The following TRIO variants were observed in gnomAD, a reference collection of about 807,000 sequenced individuals.
TRIO encodes the protein trio Rho guanine nucleotide exchange factor, also known as triple functional domain protein.
A neutral mutation model predicts 351.9 loss-of-function variants in TRIO; 58 were observed. The observed-to-expected ratio is 0.16, with a 90% confidence interval of 0.13 to 0.21. TRIO has a LOEUF of 0.21. Ranked by LOEUF, TRIO falls within the 10% of genes least tolerant of loss-of-function variation. The pLI is 1.00. For synonymous variants in TRIO, 1,758 were observed against 1,595.7 expected, an observed-to-expected ratio of 1.10 and a Z score of -2.42; for missense variants, 3,201 against 4,027.8, an observed-to-expected ratio of 0.79 and a Z score of 5.56.
intron 1 of TRIO, among the ~76,000 whole-genome samples, chr5:14,158,121 T>C (rs1788225445): frequency 6.6e-6 from 1 of 152,084 alleles, no homozygotes; most frequent in South Asian, 2.1e-4. Context: ...GAGAAGGGCT[T>C]TTGATATTAG....
At chr5:14,346,278 C>G (rs1393900253) in intron 11 of TRIO, among the ~76,000 whole-genome samples, 1 of 152,240 alleles carries the variant, frequency 6.6e-6, no homozygotes, top group Non-Finnish European at 1.5e-5. Flanking sequence ...ACCCCATCAT[C>G]TCTCACTTTG....
chr5:14,364,527 C>A, intron 14 of TRIO, 123 bp from the exon 15 acceptor site: 2 of 1,225,032 alleles, frequency 1.6e-6, no homozygotes, highest in Non-Finnish European at 2.3e-6. Context: ...TGCCCTTCAG[C>A]ATAATGGCTT....
chr5:14,365,105 G>C (rs1744483238), intron 15 of TRIO, among the ~76,000 whole-genome samples: 1 of 152,190 alleles, frequency 6.6e-6, no homozygotes, highest in African/African-American at 2.4e-5. Flanking sequence ...TTGATAGTCT[G>C]TCTCTTGCTT....
intron 34 of TRIO, among the ~76,000 whole-genome samples, chr5:14,437,683 A>AGC (rs1751693271): frequency 9.2e-6 from 1 of 108,300 alleles, no homozygotes; most frequent in Non-Finnish European, 1.8e-5. Context: ...TTGGATGAGG[A>AGC]CCACCCCCCC....
At chr5:14,328,412 A>G (rs994312635) in intron 9 of TRIO, among the ~76,000 whole-genome samples, 5 of 152,258 alleles carry the variant, frequency 3.3e-5, no homozygotes, top group African/African-American at 1.2e-4. Flanking sequence ...CAATGCGCCC[A>G]ATATGCTATT....
Position 14,487,210 on chromosome 5 carries a change from C to T in TRIO, c.6836-254C>T, listed in dbSNP as rs3804212. 7.9e-5 allele frequency among the ~76,000 whole-genome samples: 12 copies of T among 152,288 alleles called. No homozygotes were observed. The East Asian group carries it at 2.3e-3, about 30-fold the overall frequency. On this transcript the variant is annotated intron_variant, in intron 47 of 56. Transcript: ENST00000344204. Reference sequence around the variant, plus strand: ...TTCTAGTCAAATCTGTTGCCTTGGTCTTCCTGTGGACACTGGCCCTTAGTC... The same window carrying T: ...TTCTAGTCAAATCTGTTGCCTTGGTTTTCCTGTGGACACTGGCCCTTAGTC...
At chr5:14,362,497 T>C (rs1361525102) in intron 13 of TRIO, among the ~76,000 whole-genome samples, 1 of 152,186 alleles carries the variant, frequency 6.6e-6, no homozygotes, top group Non-Finnish European at 1.5e-5. Context: ...GTCCTCCTCC[T>C]CTTCTTTTCA....
At chr5:14,259,384 TAGG>T (rs981739404) in intron 1 of TRIO, among the ~76,000 whole-genome samples, 5 of 152,274 alleles carry the variant, frequency 3.3e-5, no homozygotes, top group African/African-American at 9.6e-5. Flanking sequence ...GGGAAAGGGG[TAGG>T]AGGAGAAGAA....
At chr5:14,418,504 T>C (rs1749835136) in intron 33 of TRIO, among the ~76,000 whole-genome samples, 1 of 151,998 alleles carries the variant, frequency 6.6e-6, no homozygotes, top group African/African-American at 2.4e-5. Context: ...AGTGGGGTTT[T>C]TTAGCTTGAG....
intron 29 of TRIO, among the ~76,000 whole-genome samples, chr5:14,397,904 A>G (rs545098748): frequency 6.6e-6 from 1 of 152,156 alleles, no homozygotes; most frequent in Non-Finnish European, 1.5e-5. Flanking sequence ...GCTGTGTTCC[A>G]GCTAGTTTCT....
At chr5:14,479,865 A>T (rs1561538242) in intron 42 of TRIO, 54 bp from the exon 43 acceptor site, 2 of 1,540,656 alleles carry the variant, frequency 1.3e-6, no homozygotes, top group Non-Finnish European at 1.8e-6. Context: ...AAGACTAAAA[A>T]ATTGCCCTTT....
At chr5:14,279,455 G>A (rs1001597520) in intron 2 of TRIO, among the ~76,000 whole-genome samples, 2 of 152,174 alleles carry the variant, frequency 1.3e-5, no homozygotes, top group African/African-American at 4.8e-5. Context: ...GAATTTTGAG[G>A]TCTCCCGAAG....
chr5:14,336,221 C>T (rs780806206), intron 10 of TRIO, among the ~76,000 whole-genome samples: 1 of 152,174 alleles, frequency 6.6e-6, no homozygotes, highest in Non-Finnish European at 1.5e-5. Flanking sequence ...GGGCCGTCTC[C>T]TGACTCCACC....
intron 34 of TRIO, 157 bp downstream of exon 34, chr5:14,420,178 C>A: frequency 9.0e-7 from 1 of 1,112,224 alleles, no homozygotes. Flanking sequence ...TCCAGTCCAT[C>A]AGCACCTGAA....
chr5:14,422,641 A>G (rs1466827289), intron 34 of TRIO, among the ~76,000 whole-genome samples: 1 of 152,238 alleles, frequency 6.6e-6, no homozygotes, highest in Non-Finnish European at 1.5e-5. Flanking sequence ...TCTGTCGGAC[A>G]CTGAGAATCC....
At chr5:14,406,052 G>T in intron 32 of TRIO, 62 bp downstream of exon 32, 1 of 1,561,684 alleles carries the variant, frequency 6.4e-7, no homozygotes, top group Non-Finnish European at 8.7e-7. Context: ...GGCGGTGTTA[G>T]CTCACCCTGC....
At chr5:14,278,476 GA>G (rs1735729006) in intron 2 of TRIO, among the ~76,000 whole-genome samples, 1 of 152,118 alleles carries the variant, frequency 6.6e-6, no homozygotes, top group African/African-American at 2.4e-5. Context: ...CTGTGGTCGA[GA>G]AAAAATGTTA....
At chr5:14,157,593 TTC>T (rs1266605371) in intron 1 of TRIO, among the ~76,000 whole-genome samples, 1 of 150,024 alleles carries the variant, frequency 6.7e-6, no homozygotes, top group Non-Finnish European at 1.5e-5. Context: ...GTCTCTCTCT[TTC>T]TCTCTTTCTT....
intron 30 of TRIO, among the ~76,000 whole-genome samples, chr5:14,399,923 C>A (rs1302584278): frequency 6.6e-6 from 1 of 152,182 alleles, no homozygotes; most frequent in Non-Finnish European, 1.5e-5. Flanking sequence ...TTCTTTACAG[C>A]AGATCTCTTA....
Sources: gnomAD v4.1 joint callset for allele counts (sites outside exome capture counted in the v4.1 genomes callset) on GRCh38, gnomAD v4.1.1 for gene constraint, MANE v1.5 for transcripts, NCBI Gene and HGNC (gene_info 2026-07-23, HGNC 2026-07-21) for gene names.